The following TCF4 variants were observed in gnomAD, a reference collection of about 807,000 sequenced individuals.
TCF4 encodes the protein transcription factor 4.
In TCF4, 3 loss-of-function variants were observed where a neutral mutation model predicts 82.1. The ratio of observed to expected loss-of-function variants is 0.04; its 90% CI spans 0.02 to 0.09. The LOEUF (loss-of-function observed/expected upper bound fraction) is 0.09. TCF4 is among the 10% of genes least tolerant of loss of function. TCF4 has a pLI of 1.00. For missense variants in TCF4, 518 were observed against 852.7 expected, an observed-to-expected ratio of 0.61 and a Z score of 4.89; for synonymous variants, 276 against 309.6, an observed-to-expected ratio of 0.89 and a Z score of 1.14.
chr18:55,553,043 G>T (rs1464832034), intron 3 of TCF4, among the ~76,000 whole-genome samples: 1 of 152,104 alleles, frequency 6.6e-6, no homozygotes, highest in Non-Finnish European at 1.5e-5. Flanking sequence ...TACTGTTTCA[G>T]GTATATATTC....
Position 55,223,829 on chromosome 18 carries a change from AAAAC to A in TCF4, c.*4202_*4205del, listed in dbSNP as rs2046232923. The A allele has an allele frequency of 6.6e-6, 1 of 152,406 alleles. No individual in the cohort carries two copies. Among genetic ancestry groups the A allele is most frequent in the Non-Finnish European group, 1.5e-5 (1 of 68,002 alleles). 9.4% of individuals were successfully genotyped at this position (152,406 alleles called of 1,614,324 possible). A position where few individuals can be genotyped will look rare whatever the true frequency, so the allele number is the denominator to read the frequency against. On this transcript the variant is annotated 3_prime_UTR_variant, in exon 20 of 20. Coordinates refer to ENST00000354452, the MANE Select transcript of TCF4 (RefSeq NM_001083962.2). ...AAAAACAAAAACAAAAACAAAACAA[AAAAC>A]AAACAAAAAAGCTACCCATACAGTT...
rs892684472 is a variant in TCF4, at chr18:55,633,531, G to T, written c.196-2143C>A. ...TCCAGCCTATATTCAAGGGGATGGG[G>T]GCTCCACCTTTTGAAGTTAGTTTTG... On this transcript the variant is annotated intron_variant, in intron 1 of 20. Coordinates refer to the TCF4 transcript ENST00000398339. This position sits in a 1 kb window ranked among gnomAD's most constrained non-coding sequence, Gnocchi z 4.0. Among the ~76,000 whole-genome samples, 1 of 152,092 alleles carries T rather than the reference G, an allele frequency of 6.6e-6. No individual in the cohort carries two copies. Among genetic ancestry groups the T allele is most frequent in the African/African-American group, 2.4e-5 (1 of 41,408 alleles).
At chr18:55,237,028 AT>A (rs1459215089) in intron 15 of TCF4, among the ~76,000 whole-genome samples, 1 of 152,178 alleles carries the variant, frequency 6.6e-6, no homozygotes, top group Non-Finnish European at 1.5e-5. Flanking sequence ...TGCTCCTGAA[AT>A]TTTTTCCCTC....
chr18:55,373,818 T>A (rs1292169729), intron 6 of TCF4, among the ~76,000 whole-genome samples: 1 of 151,282 alleles, frequency 6.6e-6, no homozygotes, highest in Non-Finnish European at 1.5e-5. Context: ...ATCTCAAAAA[T>A]AATAATAATA....
chr18:55,598,640 T>A (rs978426213), intron 2 of TCF4, among the ~76,000 whole-genome samples: 2 of 152,232 alleles, frequency 1.3e-5, no homozygotes, highest in African/African-American at 4.8e-5. Context: ...CTACTGCTTA[T>A]GAGATTCTGA....
At chr18:55,377,207 A>G (rs1428745611) in intron 6 of TCF4, among the ~76,000 whole-genome samples, 5 of 152,344 alleles carry the variant, frequency 3.3e-5, no homozygotes, top group Admixed American at 2.0e-4. Context: ...AAGATGCCCA[A>G]TGGAAAGCAA....
At chr18:55,495,696 G>C (rs901545363) in intron 3 of TCF4, 2 of 151,944 alleles carry the variant, frequency 1.3e-5, no homozygotes, top group African/African-American at 4.8e-5. Context: ...ACATTTAACA[G>C]GCGTGACAAA....
At chr18:55,524,567 T>C (rs773174186) in intron 3 of TCF4, among the ~76,000 whole-genome samples, 5 of 151,916 alleles carry the variant, frequency 3.3e-5, no homozygotes, top group African/African-American at 4.8e-5. Context: ...GATTAAGTTA[T>C]TGATTAAGTA....
intron 8 of TCF4, among the ~76,000 whole-genome samples, chr18:55,341,471 C>T (rs1280773601): frequency 6.6e-6 from 1 of 152,166 alleles, no homozygotes; most frequent in Admixed American, 6.5e-5. Context: ...ATTGACACCA[C>T]CTTATTATGC....
intron 8 of TCF4, among the ~76,000 whole-genome samples, chr18:55,297,733 T>TTGTGAATAAC (rs2066959696): frequency 1.3e-5 from 2 of 151,778 alleles, no homozygotes; most frequent in East Asian, 1.9e-4. Flanking sequence ...ATTTCTCCAT[T>TTGTGAATAAC]TGTGAATAAC....
intron 6 of TCF4, among the ~76,000 whole-genome samples, chr18:55,398,436 T>C (rs2093622211): frequency 6.6e-6 from 1 of 152,114 alleles, no homozygotes; most frequent in Admixed American, 6.5e-5. Context: ...GAACCACAGA[T>C]CATCTATAAT....
intron 6 of TCF4, chr18:55,400,941 G>A (rs1033102939): frequency 4.1e-5 from 53 of 1,285,622 alleles, no homozygotes; most frequent in Admixed American, 2.3e-4. Context: ...TTCCTATTCC[G>A]TATCTCAATC....
At chr18:55,251,443 GATAAC>G (rs1331620943) in intron 15 of TCF4, among the ~76,000 whole-genome samples, 2 of 152,114 alleles carry the variant, frequency 1.3e-5, no homozygotes, top group Admixed American at 6.5e-5. Context: ...AATTAAATGA[GATAAC>G]ATAACAGCCG....
chr18:55,436,116 A>T (rs1260992709), intron 5 of TCF4, among the ~76,000 whole-genome samples: 4 of 152,232 alleles, frequency 2.6e-5, no homozygotes, highest in Non-Finnish European at 5.9e-5. Context: ...TACAAACAAC[A>T]TAACTTAAAA....
intron 8 of TCF4, among the ~76,000 whole-genome samples, chr18:55,326,988 GCAGA>G (rs1376378767): frequency 6.6e-6 from 1 of 152,066 alleles, no homozygotes; most frequent in South Asian, 2.1e-4. Context: ...ACAGGAGGAC[GCAGA>G]CAGACAGACA....
At chr18:55,513,111 G>T (rs546596171) in intron 3 of TCF4, among the ~76,000 whole-genome samples, 1 of 152,222 alleles carries the variant, frequency 6.6e-6, no homozygotes, top group African/African-American at 2.4e-5. Context: ...TAATAAGTGG[G>T]CATTTCACCT....
At chr18:55,485,059 G>A (rs1410647320) in intron 3 of TCF4, among the ~76,000 whole-genome samples, 1 of 152,060 alleles carries the variant, frequency 6.6e-6, no homozygotes, top group Non-Finnish European at 1.5e-5. Context: ...CTGGGTTCTT[G>A]GAAATATCTC....
At chr18:55,275,275 G>GGAA (rs1555795909) in intron 10 of TCF4, among the ~76,000 whole-genome samples, 54 of 71,366 alleles carry the variant, frequency 7.6e-4, no homozygotes, top group Middle Eastern at 0.012. Context: ...ACTACAGATA[G>GGAA]AAAAAAAAAA....
intron 2 of TCF4, among the ~76,000 whole-genome samples, chr18:55,607,759 T>C (rs2097703465): frequency 6.6e-6 from 1 of 152,220 alleles, no homozygotes; most frequent in Non-Finnish European, 1.5e-5. Context: ...ATGATAATCA[T>C]AAGGATTTAA....
Sources: allele counts gnomAD v4.1 joint callset (sites outside exome capture counted in the v4.1 genomes callset), GRCh38; gene constraint gnomAD v4.1.1; non-coding constraint Gnocchi (gnomAD v3.1); transcripts MANE v1.5; gene names NCBI Gene and HGNC (gene_info 2026-07-23, HGNC 2026-07-21).